DISP1: variants seen among roughly 807,000 people sequenced by gnomAD.
DISP1 encodes dispatched RND transporter family member 1.
Under a neutral mutation model 37.3 loss-of-function variants are expected in DISP1, and 30 were observed. The observed-to-expected ratio is 0.80, with a 90% confidence interval of 0.60 to 1.09. The LOEUF is 1.09. Among genes scored for constraint, DISP1 ranks in the 50% least tolerant of loss-of-function variants. The pLI is 0.00. For missense variants in DISP1, 1,598 were observed against 1,879.5 expected, an observed-to-expected ratio of 0.85 and a Z score of 2.77; for synonymous variants, 634 against 690.2, an observed-to-expected ratio of 0.92 and a Z score of 1.28.
At chr1:222,970,828 A>G (rs1558060091) in intron 3 of DISP1, among the ~76,000 whole-genome samples, 2 of 151,508 alleles carry the variant, frequency 1.3e-5, no homozygotes, top group Admixed American at 1.3e-4. Context: ...GGCATGTATA[A>G]TAGATTCTGG....
intron 1 of DISP1, among the ~76,000 whole-genome samples, chr1:222,876,878 A>G (rs1475883133): frequency 1.3e-5 from 2 of 152,204 alleles, no homozygotes; most frequent in African/African-American, 2.4e-5. Flanking sequence ...TAAAGAGAAA[A>G]AAAAGCAAAT....
chr1:222,954,650 A>G (rs1347240005), intron 3 of DISP1, among the ~76,000 whole-genome samples: 1 of 152,046 alleles, frequency 6.6e-6, no homozygotes, highest in Admixed American at 6.6e-5. Flanking sequence ...TGTGAGTCCT[A>G]AAGAGGGAGA....
intron 2 of DISP1, among the ~76,000 whole-genome samples, chr1:222,940,998 G>A (rs1674340263): frequency 6.6e-6 from 1 of 152,076 alleles, no homozygotes; most frequent in South Asian, 2.1e-4. Context: ...TGTCCTTTAT[G>A]TTTTGTTATT....
chr1:222,901,002 A>G (rs890535348), intron 1 of DISP1, among the ~76,000 whole-genome samples: 4 of 152,198 alleles, frequency 2.6e-5, no homozygotes, highest in Non-Finnish European at 5.9e-5. Context: ...GAAGTATTTG[A>G]TGGTCTTCTT....
chr1:222,920,085 A>T (rs1672727656), intron 1 of DISP1, among the ~76,000 whole-genome samples: 1 of 152,190 alleles, frequency 6.6e-6, no homozygotes, highest in African/African-American at 2.4e-5. Flanking sequence ...CATGACATAC[A>T]GTAAAGGTAA....
intron 1 of DISP1, among the ~76,000 whole-genome samples, chr1:222,830,677 T>C (rs981714828): frequency 6.6e-6 from 1 of 152,210 alleles, no homozygotes. Flanking sequence ...CCACTGTGCC[T>C]GGCTCCTTCC....
chr1:222,841,722 G>C (rs935529556), intron 1 of DISP1, among the ~76,000 whole-genome samples: 6 of 152,032 alleles, frequency 3.9e-5, no homozygotes, highest in African/African-American at 1.4e-4. Context: ...ATTTTTAAAA[G>C]TGATATTTAT....
At chr1:222,819,634 G>A (rs945755095) in intron 1 of DISP1, among the ~76,000 whole-genome samples, 2 of 151,010 alleles carry the variant, frequency 1.3e-5, no homozygotes, top group African/African-American at 4.9e-5. Context: ...CCGCCTCCTG[G>A]GTTCAAACGA....
At chr1:222,875,843 A>G (rs374591786) in intron 1 of DISP1, among the ~76,000 whole-genome samples, 162 of 145,352 alleles carry the variant, frequency 1.1e-3, no homozygotes, top group Middle Eastern at 3.4e-3. Flanking sequence ...AAAAAAAAAA[A>G]AAAGAAAGAA....
intron 3 of DISP1, among the ~76,000 whole-genome samples, chr1:222,948,735 G>A (rs1674974868): frequency 6.6e-6 from 1 of 152,132 alleles, no homozygotes; most frequent in African/African-American, 2.4e-5. Flanking sequence ...TACTTTAAAG[G>A]ATGTGTTAAA....
At chr1:222,901,548 G>C (rs1484592456) in intron 1 of DISP1, among the ~76,000 whole-genome samples, 1 of 145,776 alleles carries the variant, frequency 6.9e-6, no homozygotes, top group East Asian at 2.0e-4. Flanking sequence ...TTTTGAGATG[G>C]AGTCTCACTC....
intron 1 of DISP1, among the ~76,000 whole-genome samples, chr1:222,892,381 G>A (rs1468851062): frequency 2.6e-5 from 4 of 152,110 alleles, no homozygotes; most frequent in Admixed American, 2.6e-4. Flanking sequence ...ACTGCTAATG[G>A]TGAATCATTC....
chr1:222,938,786 C>CGGGATGAA (rs1379351707), intron 2 of DISP1, among the ~76,000 whole-genome samples: 1 of 116,558 alleles, frequency 8.6e-6, no homozygotes, highest in African/African-American at 3.3e-5. Context: ...GAAGGAAGGA[C>CGGGATGAA]GGGATGAAGA....
At chr1:222,816,938 A>T (rs1572073262) in intron 1 of DISP1, among the ~76,000 whole-genome samples, 1 of 152,100 alleles carries the variant, frequency 6.6e-6, no homozygotes, top group African/African-American at 2.4e-5. Context: ...GCCTTTTCCC[A>T]TGGTTTTTGA....
intron 1 of DISP1, among the ~76,000 whole-genome samples, chr1:222,917,629 T>C (rs1672569254): frequency 6.6e-6 from 1 of 152,190 alleles, no homozygotes; most frequent in African/African-American, 2.4e-5. Flanking sequence ...GAGAATTTTT[T>C]GCACCACCCA....
intron 1 of DISP1, among the ~76,000 whole-genome samples, chr1:222,831,850 A>G (rs972054831): frequency 2.6e-5 from 4 of 152,218 alleles, no homozygotes; most frequent in African/African-American, 9.7e-5. Context: ...TAGGACATAT[A>G]GGACCTTGAG....
At chr1:222,946,724 G>A (rs947292540) in intron 3 of DISP1, among the ~76,000 whole-genome samples, 1 of 152,196 alleles carries the variant, frequency 6.6e-6, no homozygotes. Context: ...AATACACAGG[G>A]CTAAAGATGA....
intron 1 of DISP1, among the ~76,000 whole-genome samples, chr1:222,843,006 T>G (rs1423181445): frequency 6.6e-6 from 1 of 152,036 alleles, no homozygotes; most frequent in Non-Finnish European, 1.5e-5. Context: ...ATTTAAAAAT[T>G]ATTAGAAATT....
chr1:222,965,197 C>A (rs1676385381), intron 3 of DISP1, among the ~76,000 whole-genome samples: 1 of 152,138 alleles, frequency 6.6e-6, no homozygotes, highest in African/African-American at 2.4e-5. Context: ...GCCTCTTTAA[C>A]TATGTGGCTT....
Sources: gnomAD v4.1 joint callset for allele counts (sites outside exome capture counted in the v4.1 genomes callset) on GRCh38, gnomAD v4.1.1 for gene constraint, MANE v1.5 for transcripts, NCBI Gene and HGNC (gene_info 2026-07-23, HGNC 2026-07-21) for gene names.